Variants in FAM222B observed in about 807,000 individuals in gnomAD.
FAM222B encodes the protein family with sequence similarity 222 member B.
A neutral mutation model predicts 38.0 loss-of-function variants in FAM222B; 12 were observed. The ratio of observed to expected loss-of-function variants is 0.32; its 90% CI spans 0.20 to 0.51. The LOEUF is 0.51. Among genes scored for constraint, FAM222B ranks in the 20% least tolerant of loss-of-function variants. FAM222B has a pLI of 0.97. For missense variants in FAM222B, 716 were observed against 754.2 expected (o/e 0.95, Z 0.59); for synonymous variants, 329 against 317.2 (o/e 1.04, Z -0.40).
At chr17:28,784,916 A>T (rs1327263686) in intron 1 of FAM222B, among the ~76,000 whole-genome samples, 10 of 142,250 alleles carry the variant, frequency 7.0e-5, no homozygotes, top group African/African-American at 1.8e-4. Context: ...ATGCCCAGCT[A>T]TTTTTTTTTT....
chr17:28,761,414 T>C (rs1366423066), intron 2 of FAM222B, among the ~76,000 whole-genome samples: 2 of 152,202 alleles, frequency 1.3e-5, no homozygotes, highest in East Asian at 3.8e-4. Context: ...CAGGCTCAGC[T>C]AGCCGACTCT....
rs372955988 is a variant in FAM222B at position 28,788,551 on chromosome 17, T to C, written c.-40-21844A>G. On this transcript the variant is annotated intron_variant, in intron 1 of 2. Transcript: ENST00000581407. Reference sequence around the variant, plus strand: ...ACCGCGTCCGGCCTCAGTATTGTTATTTATCAAAGTGTGTGACTGCTTCTA... The same window carrying C: ...ACCGCGTCCGGCCTCAGTATTGTTACTTATCAAAGTGTGTGACTGCTTCTA... Among the ~76,000 whole-genome samples the C allele has an allele frequency of 2.0e-4, 31 of 152,178 alleles. No individual in the cohort carries two copies. The East Asian group carries it at 5.6e-3, about 28-fold the overall frequency.
chr17:28,838,412 C>G (rs1396996390), intron 1 of FAM222B, among the ~76,000 whole-genome samples: 2 of 151,090 alleles, frequency 1.3e-5, no homozygotes, highest in Non-Finnish European at 2.9e-5. Context: ...AACCTCATCT[C>G]TACTAAAAAT....
chr17:28,772,029 C>T (rs575987003), intron 1 of FAM222B, among the ~76,000 whole-genome samples: 2 of 152,152 alleles, frequency 1.3e-5, no homozygotes, highest in Admixed American at 1.3e-4. Flanking sequence ...TGAGCTCCAG[C>T]CTGGGCAACA....
chr17:28,756,990 A>G lies in FAM222B; in HGVS notation c.*1280T>C, dbSNP rs563433553. 1 of 152,632 alleles carries G rather than the reference A, an allele frequency of 6.6e-6. No individual in the cohort carries two copies. Among genetic ancestry groups the G allele is most frequent in the African/African-American group, 2.4e-5 (1 of 41,594 alleles). The allele number at this position is 152,632 out of a possible 1,614,324, so 9.5% of individuals were successfully genotyped here. A position where few individuals can be genotyped will look rare whatever the true frequency, so the allele number is the denominator to read the frequency against. ...TTAACAGAATGGTGCAAAAATTTGTAACAAAACAGTCTAAGTTTAAAATTA... is the reference window on the plus strand; with the variant it reads ...TTAACAGAATGGTGCAAAAATTTGTGACAAAACAGTCTAAGTTTAAAATTA... On this transcript the variant is annotated 3_prime_UTR_variant, in exon 3 of 3. Transcript: ENST00000581407.
rs1306979678 is a variant in FAM222B, at chr17:28,810,301, T to A, written c.-41+32381A>T. ...CATTGCACCCCGCCTTCCAACTGGT[T>A]TTTTTGGTCACTTCCCCAGCTTCCT... is the stretch of plus-strand genomic sequence containing the variant. On this transcript the variant is annotated intron_variant, in intron 1 of 2. Transcript: ENST00000581407. Among the ~76,000 whole-genome samples, 3 of 152,182 alleles carry A rather than the reference T, an allele frequency of 2.0e-5. No homozygotes were observed. The South Asian group carries it at 6.2e-4, about 31-fold the overall frequency.
intron 2 of FAM222B, among the ~76,000 whole-genome samples, chr17:28,764,404 T>G (rs777802701): frequency 2.0e-5 from 3 of 151,880 alleles, no homozygotes; most frequent in Non-Finnish European, 2.9e-5. Context: ...ATCGTGCCAC[T>G]GCACTCCAGC....
At chr17:28,787,582 G>A (rs1023682) in intron 1 of FAM222B, among the ~76,000 whole-genome samples, 137,280 of 152,144 alleles carry the variant, frequency 0.9, 62,147 homozygotes, top group African/African-American at 0.98. Flanking sequence ...AAAGGGGCCC[G>A]AGAATTGAAA....
intron 1 of FAM222B, among the ~76,000 whole-genome samples, chr17:28,824,099 G>A (rs111918693): frequency 1.3e-5 from 2 of 151,708 alleles, no homozygotes; most frequent in African/African-American, 2.4e-5. Context: ...GGATGGTCTC[G>A]ATCTCCTAAC....
intron 1 of FAM222B, among the ~76,000 whole-genome samples, chr17:28,828,203 C>G (rs1042345445): frequency 1.4e-5 from 2 of 145,970 alleles, no homozygotes; most frequent in African/African-American, 5.1e-5. Flanking sequence ...CTCCGCCTCC[C>G]GGGTTCAAGC....
At chr17:28,800,561 G>C (rs2037170470) in intron 1 of FAM222B, among the ~76,000 whole-genome samples, 2 of 152,102 alleles carry the variant, frequency 1.3e-5, no homozygotes, top group South Asian at 4.1e-4. Flanking sequence ...GCTTGGAGAA[G>C]AGGCAAAAAT....
intron 1 of FAM222B, among the ~76,000 whole-genome samples, chr17:28,836,265 G>C (rs1222585699): frequency 6.6e-6 from 1 of 151,660 alleles, no homozygotes; most frequent in Non-Finnish European, 1.5e-5. Flanking sequence ...TGGGATTACA[G>C]GCATAAGCCA....
chr17:28,798,166 A>T (rs745498835), intron 1 of FAM222B, among the ~76,000 whole-genome samples: 13 of 152,162 alleles, frequency 8.5e-5, no homozygotes, highest in Non-Finnish European at 1.8e-4. Flanking sequence ...TGAGGTGAGC[A>T]GACTGCAGGA....
At chr17:28,794,029 G>GT (rs1228446043) in intron 1 of FAM222B, among the ~76,000 whole-genome samples, 23 of 151,706 alleles carry the variant, frequency 1.5e-4, no homozygotes, top group Non-Finnish European at 2.8e-4. Context: ...GATTACAGGC[G>GT]TAAGCCACGG....
At chr17:28,784,211 C>T (rs2036290563) in intron 1 of FAM222B, among the ~76,000 whole-genome samples, 2 of 152,110 alleles carry the variant, frequency 1.3e-5, no homozygotes, top group South Asian at 2.1e-4. Flanking sequence ...CAGTGGCTCA[C>T]ATCTGTAATC....
At chr17:28,855,002 C>G (rs1598073126) in exon 1 of FAM222B, 1 of 1,546,122 alleles carries the variant, frequency 6.5e-7, no homozygotes, top group Non-Finnish European at 8.7e-7. Context: ...TAGGAGCGCT[C>G]CTGGTCGGTT....
chr17:28,786,863 T>C (rs2036432253), intron 1 of FAM222B, among the ~76,000 whole-genome samples: 1 of 151,866 alleles, frequency 6.6e-6, no homozygotes, highest in African/African-American at 2.4e-5. Context: ...AATGAAGTTT[T>C]ACTTATAGCT....
rs1226070135 is a variant in FAM222B at position 28,799,014 on chromosome 17, T to C, written c.-40-32307A>G. ...TTTTTGGGATGGAGTCTCACTCTGT[T>C]GACAGGATGGAGTGCAGTGGCACGA... On this transcript the variant is annotated intron_variant, in intron 1 of 2. Transcript: ENST00000581407. Among the ~76,000 whole-genome samples, 2 of 145,666 alleles carry C rather than the reference T, an allele frequency of 1.4e-5. 1 individual carries two copies.
chr17:28,829,693 A>G (rs2038590686), intron 1 of FAM222B, among the ~76,000 whole-genome samples: 2 of 151,838 alleles, frequency 1.3e-5, no homozygotes, highest in Middle Eastern at 3.4e-3. Context: ...GTGTAGATAC[A>G]TTAGTTTGTT....
Sources: allele counts gnomAD v4.1 joint callset (sites outside exome capture counted in the v4.1 genomes callset), GRCh38; gene constraint gnomAD v4.1.1; transcripts MANE v1.5; gene names NCBI Gene and HGNC (gene_info 2026-07-23, HGNC 2026-07-21).